Variants in ZNF780B observed in about 807,000 individuals in gnomAD.
The protein encoded by ZNF780B is zinc finger protein 779.
Under a neutral mutation model 74.1 loss-of-function variants are expected in ZNF780B, and 52 were observed. The ratio of observed to expected loss-of-function variants is 0.70; its 90% CI spans 0.56 to 0.88. The LOEUF is 0.88. Among genes scored for constraint, ZNF780B ranks in the 40% least tolerant of loss-of-function variants. The pLI, the probability that ZNF780B is intolerant of heterozygous loss-of-function variation, is 0.00. For missense variants in ZNF780B, 953 were observed against 1,007.6 expected (o/e 0.95, Z 0.73); for synonymous variants, 315 against 324.3 (o/e 0.97, Z 0.31).
At position 40,036,594 on chromosome 19, in the gene ZNF780B, A is replaced by C; in HGVS notation, c.265T>G (p.Ser89Ala). 2 of 1,555,690 alleles carry C rather than the reference A, an allele frequency of 1.3e-6. No individual in the cohort carries two copies. Among genetic ancestry groups the C allele is most frequent in the Non-Finnish European group, 1.7e-6 (2 of 1,154,630 alleles). ...ATTTCAAAAATATCATTTTCTGGAG[A>C]TATTTTCTCAGGTCCATATTTTGAC... ...LESKYGPEKI[S>A]PENDIFEINL... is the part of the protein sequence containing the mutation. Residue 89 changes from serine to alanine, a missense_variant, in exon 5 of 5, where the codon TCT becomes GCT. Physicochemically the swap from Ser to Ala is moderately conservative, Grantham distance 99. Coordinates refer to ENST00000434248, the MANE Select transcript of ZNF780B (RefSeq NM_001005851.3).
At chr19:40,053,540 C>A (rs1973337086) in intron 1 of ZNF780B, among the ~76,000 whole-genome samples, 1 of 152,118 alleles carries the variant, frequency 6.6e-6, no homozygotes, top group African/African-American at 2.4e-5. Context: ...ACCATATGAT[C>A]CAGCAATCTA....
chr19:40,042,863 C>T (rs1443998439), intron 4 of ZNF780B, among the ~76,000 whole-genome samples: 5 of 152,136 alleles, frequency 3.3e-5, no homozygotes, highest in Admixed American at 2.0e-4. Flanking sequence ...TCCTGTAGCT[C>T]GGAGTAGTTT....
At chr19:40,055,369 T>C (rs1973446955) in intron 1 of ZNF780B, 1 of 152,172 alleles carries the variant, frequency 6.6e-6, no homozygotes, top group Non-Finnish European at 1.5e-5. Flanking sequence ...CTCTATATTC[T>C]AAAATCAAAA....
intron 2 of ZNF780B, 114 bp downstream of exon 2, chr19:40,050,210 A>G: frequency 8.7e-7 from 1 of 1,155,224 alleles, no homozygotes; most frequent in East Asian, 2.6e-5. Flanking sequence ...AAAAAAAAAA[A>G]AAAAAAAAAA....
chr19:40,036,411 G>C lies in ZNF780B; in HGVS notation c.448C>G (p.Pro150Ala). ...ATAGGAGAAGCATGAGTATAAGCAG[G>C]CATTTCTTCATAGCTGATGATCTTC... is the stretch of plus-strand genomic sequence containing the variant. ...NQKIISYEEM[P>A]AYTHASPIHN... Residue 150 changes from proline to alanine, a missense_variant, in exon 5 of 5, where the codon CCT (proline) becomes GCT (alanine). By Grantham distance (27) the Pro-to-Ala change is conservative. Coordinates refer to ENST00000434248, the MANE Select transcript of ZNF780B (RefSeq NM_001005851.3). The C allele has an allele frequency of 6.2e-7, 1 of 1,608,688 alleles. No individual in the cohort carries two copies. Among genetic ancestry groups the C allele is most frequent in the Non-Finnish European group, 8.5e-7 (1 of 1,178,326 alleles).
rs1322134068 is a variant in ZNF780B, at chr19:40,028,751, A to T, written c.*5606T>A. On this transcript the variant is annotated 3_prime_UTR_variant, in exon 5 of 5. Transcript: ENST00000434248. Reference sequence around the variant, plus strand: ...CAATCATGAATTTTACCATTCTGGCATCAGAATGGAATGAGCACTCAGACT... The same window carrying T: ...CAATCATGAATTTTACCATTCTGGCTTCAGAATGGAATGAGCACTCAGACT... 1 of 152,240 alleles carries T rather than the reference A, an allele frequency of 6.6e-6. No homozygotes were observed. Among genetic ancestry groups the T allele is most frequent in the Non-Finnish European group, 1.5e-5 (1 of 68,040 alleles). The allele number at this position is 152,240 out of a possible 1,614,324, so 9.4% of individuals were successfully genotyped here. A position where few individuals can be genotyped will look rare whatever the true frequency, so the allele number is the denominator to read the frequency against.
At chr19:40,044,965 T>C (rs1223110281) in intron 4 of ZNF780B, among the ~76,000 whole-genome samples, 1 of 152,092 alleles carries the variant, frequency 6.6e-6, no homozygotes, top group Non-Finnish European at 1.5e-5. Flanking sequence ...TTCTCACTGG[T>C]AAAGACACAT....
intron 4 of ZNF780B, among the ~76,000 whole-genome samples, chr19:40,043,571 C>T (rs1368701471): frequency 1.3e-5 from 2 of 152,250 alleles, no homozygotes; most frequent in Non-Finnish European, 2.9e-5. Flanking sequence ...GTTTGAGCTC[C>T]CCGGCTGCTT....
chr19:40,047,406 A>G lies in ZNF780B; in HGVS notation c.201T>C (p.Val67=). 1 of 1,613,920 alleles carries G rather than the reference A, an allele frequency of 6.2e-7. No individual in the cohort carries two copies. The highest frequency in any genetic ancestry group is 8.5e-7 in the Non-Finnish European group (1 of 1,179,884). The change falls in exon 4 of 5, where the codon GTT becomes GTC. Residue 67 remains valine, a synonymous_variant. Coordinates refer to ENST00000434248, the MANE Select transcript of ZNF780B (RefSeq NM_001005851.3). ...ACCATCTGCTTGTTTCTTTACTTAC[A>G]ACAATCCAGGGCTCTTTCTCTTGCT... ...LLEQEKEPWI[V]VSKETSRWYP...
chr19:40,044,909 T>C (rs1304530929), intron 4 of ZNF780B, among the ~76,000 whole-genome samples: 1 of 152,164 alleles, frequency 6.6e-6, no homozygotes, highest in African/African-American at 2.4e-5. Context: ...ACGGGCTGAA[T>C]GGATGAAAAA....
In ZNF780B at chr19:40,048,970, T is replaced by C. The variant is rs540588739; in HGVS notation, c.10-174A>G. On this transcript the variant is annotated intron_variant, in intron 2 of 4. Coordinates refer to ENST00000434248, the MANE Select transcript of ZNF780B (RefSeq NM_001005851.3). ...CTGGTGTGGTGGCTCATGCCTGTTA[T>C]ACCAGCACTTTGGGAGACCAAGGTG... The C allele has an allele frequency of 1.6e-5, 17 of 1,039,040 alleles. No individual in the cohort carries two copies. In the East Asian group the frequency reaches 4.6e-4, roughly 28 times the overall value. The allele number at this position is 1,039,040 out of a possible 1,614,324, so 64.4% of individuals were successfully genotyped here.
intron 1 of ZNF780B, among the ~76,000 whole-genome samples, chr19:40,051,596 T>C (rs1973238276): frequency 6.6e-6 from 1 of 152,180 alleles, no homozygotes; most frequent in Non-Finnish European, 1.5e-5. Context: ...TAAAACAGAG[T>C]TAACAGAGAG....
intron 2 of ZNF780B, chr19:40,049,050 G>C: frequency 2.5e-6 from 1 of 400,454 alleles, no homozygotes; most frequent in Non-Finnish European, 4.5e-6. Flanking sequence ...ATAACGAGAT[G>C]CACTCCCTGG....
intron 3 of ZNF780B, among the ~76,000 whole-genome samples, chr19:40,047,754 C>T (rs1001181022): frequency 6.6e-6 from 1 of 152,062 alleles, no homozygotes; most frequent in African/African-American, 2.4e-5. Context: ...TCTCTGCCAC[C>T]CACTAGTACT....
chr19:40,050,151 C>T (rs915745724), intron 2 of ZNF780B, among the ~76,000 whole-genome samples, 173 bp downstream of exon 2: 2 of 143,408 alleles, frequency 1.4e-5, no homozygotes, highest in South Asian at 4.3e-4. Context: ...GAGCCAAGAT[C>T]GCACCACTGC....
rs1972225059 is a variant in ZNF780B, at chr19:40,035,428, T to C, written c.1431A>G (p.Glu477=). The C allele has an allele frequency of 6.2e-7, 1 of 1,614,178 alleles. No homozygotes were observed. Among genetic ancestry groups the C allele is most frequent in the Non-Finnish European group, 8.5e-7 (1 of 1,180,020 alleles). ...TCAGAAGACTAAAGGCCTTTCCACA[T>C]TCTTTACATTCAAAGGGTTTCCCAC... ...HTGGKPFECK[E]CGKAFSLLTQ... Residue 477 remains glutamate, a synonymous_variant, in exon 5 of 5, where the codon GAA becomes GAG. Transcript: ENST00000434248.
chr19:40,035,443 G>C lies in ZNF780B; in HGVS notation c.1416C>G (p.Pro472=), dbSNP rs926843470. The C allele has an allele frequency of 3.1e-6, 5 of 1,614,014 alleles. No individual in the cohort carries two copies. The highest frequency in any genetic ancestry group is 3.4e-6 in the Non-Finnish European group (4 of 1,180,008). ...CCTTTCCACATTCTTTACATTCAAA[G>C]GGTTTCCCACCAGTATGAATTTGGC... is the stretch of plus-strand genomic sequence containing the variant. The part of the protein sequence containing the change: ...QHCQIHTGGK[P]FECKECGKAF... The change falls in exon 5 of 5, where the codon CCC becomes CCG. Residue 472 remains proline (P), a synonymous_variant. Transcript: ENST00000434248.
At chr19:40,047,229 G>A in intron 4 of ZNF780B, 146 bp downstream of exon 4, 1 of 694,240 alleles carries the variant, frequency 1.4e-6, no homozygotes, top group South Asian at 1.5e-5. Flanking sequence ...TTCCTTCCCA[G>A]GTCTTGGGCA....
At chr19:40,045,888 T>C (rs1215779487) in intron 4 of ZNF780B, among the ~76,000 whole-genome samples, 1 of 152,118 alleles carries the variant, frequency 6.6e-6, no homozygotes, top group East Asian at 1.9e-4. Flanking sequence ...CTCTAGAGGC[T>C]GAGGCAGGAG....
Sources: allele counts gnomAD v4.1 joint callset (sites outside exome capture counted in the v4.1 genomes callset), GRCh38; gene constraint gnomAD v4.1.1; transcripts MANE v1.5; gene names NCBI Gene and HGNC (gene_info 2026-07-23, HGNC 2026-07-21).